Variants in PLCB1 observed in about 807,000 individuals in gnomAD.
PLCB1 encodes the protein phospholipase C beta 1.
PLCB1 carries 46 observed loss-of-function variants against 161.8 expected under a neutral mutation model. The ratio of observed to expected loss-of-function variants is 0.28; its 90% CI spans 0.22 to 0.36. The LOEUF is 0.36. Ranked by LOEUF, PLCB1 falls within the 10% of genes least tolerant of loss-of-function variation. PLCB1 has a pLI of 1.00. For missense variants in PLCB1, 1,016 were observed against 1,472.5 expected (o/e 0.69, Z 5.07); for synonymous variants, 517 against 503.7 (o/e 1.03, Z -0.35).
intron 3 of PLCB1, among the ~76,000 whole-genome samples, chr20:8,491,894 T>C (rs1982961872): frequency 6.6e-6 from 1 of 152,182 alleles, no homozygotes; most frequent in Non-Finnish European, 1.5e-5. Flanking sequence ...ATTCTGTGTC[T>C]TAAAAACGGT....
At chr20:8,839,276 C>G (rs1345966999) in intron 31 of PLCB1, among the ~76,000 whole-genome samples, 1 of 152,062 alleles carries the variant, frequency 6.6e-6, no homozygotes, top group Non-Finnish European at 1.5e-5. Flanking sequence ...GCATCTTGCC[C>G]CTCCTAAATC....
intron 2 of PLCB1, among the ~76,000 whole-genome samples, chr20:8,318,169 A>G (rs1007122698): frequency 1.3e-5 from 2 of 152,102 alleles, no homozygotes; most frequent in Admixed American, 6.5e-5. Context: ...TCAAAAAATT[A>G]TTTTGTAAAT....
At position 8,364,498 on chromosome 20, in the gene PLCB1, G is replaced by A. The variant is rs1986648790; in HGVS notation, c.178-6884G>A. Among the ~76,000 whole-genome samples the A allele has an allele frequency of 2.0e-5, 3 of 152,268 alleles. No individual in the cohort carries two copies. The South Asian group carries it at 6.2e-4, about 32-fold the overall frequency. On this transcript the variant is annotated intron_variant, in intron 2 of 31. Transcript: ENST00000338037. ...TATTAATGAACTTTCAGTGTCCCTA[G>A]GTTGCTTGCAAAAATAAGGCATCTT...
intron 11 of PLCB1, among the ~76,000 whole-genome samples, chr20:8,701,732 A>G (rs1269979043): frequency 6.6e-6 from 1 of 152,220 alleles, no homozygotes; most frequent in Admixed American, 6.5e-5. Context: ...TGCTCAATAA[A>G]TGTTTTTGAA....
chr20:8,618,777 ATGCAACTAGTTATTCC>A (rs1336741826), intron 3 of PLCB1, among the ~76,000 whole-genome samples: 1 of 152,186 alleles, frequency 6.6e-6, no homozygotes, highest in Admixed American at 6.6e-5. Flanking sequence ...GCTTATTTAA[ATGCAACTAGTTATTCC>A]TTATAAAAGT....
intron 31 of PLCB1, among the ~76,000 whole-genome samples, chr20:8,837,117 C>T (rs1029106921): frequency 6.6e-6 from 1 of 152,036 alleles, no homozygotes; most frequent in African/African-American, 2.4e-5. Context: ...GCAGAAGAGC[C>T]CTCTCCAGCC....
chr20:8,327,471 G>A (rs1266233199), intron 2 of PLCB1, among the ~76,000 whole-genome samples: 2 of 152,180 alleles, frequency 1.3e-5, no homozygotes, highest in Admixed American at 6.5e-5. Flanking sequence ...ATGCTTAGCT[G>A]CAAGGGAAGT....
At chr20:8,535,191 G>T (rs1568497438) in intron 3 of PLCB1, among the ~76,000 whole-genome samples, 1 of 71,680 alleles carries the variant, frequency 1.4e-5, no homozygotes, top group African/African-American at 5.4e-5. Context: ...TCAGAAAATA[G>T]AGTTTATGGG....
chr20:8,684,714 A>T (rs535151076), intron 9 of PLCB1, among the ~76,000 whole-genome samples: 2 of 152,112 alleles, frequency 1.3e-5, no homozygotes, highest in Non-Finnish European at 2.9e-5. Flanking sequence ...TCCTCTGAAA[A>T]TTTGGTGGGG....
At chr20:8,250,705 C>A (rs980287610) in intron 2 of PLCB1, among the ~76,000 whole-genome samples, 3 of 151,744 alleles carry the variant, frequency 2.0e-5, no homozygotes, top group Non-Finnish European at 4.4e-5. Flanking sequence ...TTTATTAAGC[C>A]CCAACAATAT....
chr20:8,749,809 T>G (rs183222117), intron 23 of PLCB1, among the ~76,000 whole-genome samples: 3 of 152,344 alleles, frequency 2.0e-5, no homozygotes, highest in African/African-American at 7.2e-5. Context: ...ACTCTTTTCA[T>G]TCATTGATTT....
chr20:8,528,439 G>C (rs1047010290), intron 3 of PLCB1, among the ~76,000 whole-genome samples: 47 of 152,072 alleles, frequency 3.1e-4, no homozygotes, highest in African/African-American at 1.1e-3. Flanking sequence ...ATTCATAACA[G>C]GTTACATTCT....
chr20:8,509,693 T>G, intron 3 of PLCB1, among the ~76,000 whole-genome samples: 1 of 151,854 alleles, frequency 6.6e-6, no homozygotes, highest in East Asian at 1.9e-4. Flanking sequence ...GGATAACAGG[T>G]AGGTAGACAG....
At chr20:8,783,287 C>T (rs1983327048) in intron 27 of PLCB1, among the ~76,000 whole-genome samples, 1 of 152,226 alleles carries the variant, frequency 6.6e-6, no homozygotes, top group Admixed American at 6.5e-5. Context: ...TTCTTCTCTA[C>T]CTTTAATAGT....
intron 31 of PLCB1, among the ~76,000 whole-genome samples, chr20:8,842,861 C>T (rs528973151): frequency 3.9e-4 from 60 of 152,262 alleles, no homozygotes; most frequent in Non-Finnish European, 6.5e-4. Context: ...AGGCCCAGGG[C>T]GCGGTGCTGG....
chr20:8,509,265 G>A (rs1983773068), intron 3 of PLCB1, among the ~76,000 whole-genome samples: 1 of 152,138 alleles, frequency 6.6e-6, no homozygotes, highest in African/African-American at 2.4e-5. Context: ...TGTGTGGCTA[G>A]ACAATGGAAA....
intron 3 of PLCB1, among the ~76,000 whole-genome samples, chr20:8,476,447 A>G (rs1311065947): frequency 1.3e-5 from 2 of 152,200 alleles, no homozygotes; most frequent in East Asian, 1.9e-4. Flanking sequence ...CTAAAACAAA[A>G]CAAAAAGAAT....
At chr20:8,281,829 A>T (rs1033956961) in intron 2 of PLCB1, among the ~76,000 whole-genome samples, 5 of 152,038 alleles carry the variant, frequency 3.3e-5, no homozygotes, top group East Asian at 1.9e-4. Flanking sequence ...AACAACAGGG[A>T]TTGTTCTAAA....
At chr20:8,454,773 TTC>T (rs1186158530) in intron 3 of PLCB1, among the ~76,000 whole-genome samples, 1 of 152,234 alleles carries the variant, frequency 6.6e-6, no homozygotes, top group African/African-American at 2.4e-5. Flanking sequence ...ATTGCATTGT[TTC>T]TCTGTTTCCC....
Sources: gnomAD v4.1 joint callset for allele counts (sites outside exome capture counted in the v4.1 genomes callset) on GRCh38, gnomAD v4.1.1 for gene constraint, MANE v1.5 for transcripts, NCBI Gene and HGNC (gene_info 2026-07-23, HGNC 2026-07-21) for gene names.